The following OSBPL3 variants were observed in gnomAD, a reference collection of about 807,000 sequenced individuals.
OSBPL3 encodes oxysterol binding protein like 3.
In OSBPL3, 65 loss-of-function variants were observed where a neutral mutation model predicts 120.1. That is an observed-to-expected ratio of 0.54 (90% confidence interval 0.44 to 0.67). The LOEUF (loss-of-function observed/expected upper bound fraction) is 0.67, where lower values mean the gene tolerates loss of function less well. Ranked by LOEUF, OSBPL3 falls within the 30% of genes least tolerant of loss-of-function variation. The pLI, the probability that OSBPL3 is intolerant of heterozygous loss-of-function variation, is 0.00. For missense variants in OSBPL3, 1,004 were observed against 1,082.1 expected (o/e 0.93, Z 1.01); for synonymous variants, 416 against 402.6 (o/e 1.03, Z -0.40).
At chr7:24,970,822 C>A (rs1391435362) in intron 1 of OSBPL3, among the ~76,000 whole-genome samples, 3 of 152,290 alleles carry the variant, frequency 2.0e-5, no homozygotes, top group South Asian at 2.1e-4. Flanking sequence ...CTGGACTCCA[C>A]CCCCAGAGTT....
intron 1 of OSBPL3, chr7:24,906,587 A>G (rs764477924): frequency 6.4e-6 from 1 of 156,046 alleles, no homozygotes. Context: ...ACAATCACAC[A>G]TGGACATGTT....
intron 2 of OSBPL3, among the ~76,000 whole-genome samples, chr7:24,880,703 T>C (rs1274459680): frequency 6.6e-6 from 1 of 152,094 alleles, no homozygotes; most frequent in African/African-American, 2.4e-5. Flanking sequence ...GTGATTTGTT[T>C]GGGGCTGCGA....
Position 24,820,099 on chromosome 7 carries a change from G to T in OSBPL3, c.1948+76C>A. Reference sequence around the variant, plus strand: ...ACCACTTTTGATCTCAGTAAGAATTGACAGCAATTCTTGGATAAAATAAAT... The same window carrying T: ...ACCACTTTTGATCTCAGTAAGAATTTACAGCAATTCTTGGATAAAATAAAT... On this transcript the variant is annotated intron_variant, in intron 17 of 22. Coordinates refer to ENST00000313367, the MANE Select transcript of OSBPL3 (RefSeq NM_015550.4). This position sits in a 1 kb window ranked among gnomAD's most constrained non-coding sequence, Gnocchi z 4.6. 9.1e-7 allele frequency: 1 copy of T among 1,094,216 alleles called. No individual in the cohort carries two copies. The highest frequency in any genetic ancestry group is 1.4e-6 in the Non-Finnish European group (1 of 732,904). 67.8% of individuals were successfully genotyped at this position (1,094,216 alleles called of 1,614,324 possible).
chr7:24,875,992 T>C (rs923632282), intron 2 of OSBPL3, among the ~76,000 whole-genome samples: 2 of 152,194 alleles, frequency 1.3e-5, no homozygotes, highest in Non-Finnish European at 2.9e-5. Context: ...GTAAAGGCTT[T>C]AATATTTTCT....
At chr7:24,931,928 G>C (rs1321570720) in intron 1 of OSBPL3, among the ~76,000 whole-genome samples, 1 of 152,188 alleles carries the variant, frequency 6.6e-6, no homozygotes, top group African/African-American at 2.4e-5. Flanking sequence ...AAAACATTAG[G>C]AGTTAGAAAA....
chr7:24,970,667 G>C (rs985547910), intron 1 of OSBPL3, among the ~76,000 whole-genome samples: 1 of 152,168 alleles, frequency 6.6e-6, no homozygotes, highest in Non-Finnish European at 1.5e-5. Flanking sequence ...CTTTGAGGTC[G>C]GGGCTGTGGC....
Position 24,915,913 on chromosome 7 carries a change from C to T in OSBPL3, c.-149-23292G>A, listed in dbSNP as rs963312800. Among the ~76,000 whole-genome samples the T allele has an allele frequency of 3.3e-5, 5 of 152,066 alleles. No individual in the cohort carries two copies. In the East Asian group the frequency reaches 9.6e-4, roughly 29 times the overall value. Reference sequence around the variant, plus strand: ...AGAATGAAAAGCCATAGTAAAAAGACCAATGGTTAACAGTACATTGATTAG... The same window carrying T: ...AGAATGAAAAGCCATAGTAAAAAGATCAATGGTTAACAGTACATTGATTAG... On this transcript the variant is annotated intron_variant, in intron 1 of 22. Coordinates refer to ENST00000313367, the MANE Select transcript of OSBPL3 (RefSeq NM_015550.4).
chr7:24,899,340 C>T lies in OSBPL3; in HGVS notation c.-149-6719G>A, dbSNP rs1407224316. On this transcript the variant is annotated intron_variant, in intron 1 of 22. Coordinates refer to ENST00000313367, the MANE Select transcript of OSBPL3 (RefSeq NM_015550.4). The surrounding 1 kb of genome is among the most constrained non-coding windows in gnomAD (Gnocchi z 4.0). ...CTTAGCTTTGGGGGAACTTGCATCT[C>T]TTTCCAGTTCTCAGTGTTCTTACTG... Among the ~76,000 whole-genome samples the T allele has an allele frequency of 6.6e-6, 1 of 152,206 alleles. No individual in the cohort carries two copies. The highest frequency in any genetic ancestry group is 1.5e-5 in the Non-Finnish European group (1 of 68,036).
chr7:24,977,763 G>A (rs1817750500), intron 1 of OSBPL3, among the ~76,000 whole-genome samples: 1 of 152,230 alleles, frequency 6.6e-6, no homozygotes, highest in African/African-American at 2.4e-5. Flanking sequence ...GGCTGAGGCA[G>A]GAGAATGGCA....
At chr7:24,848,529 T>A (rs2128220961) in intron 12 of OSBPL3, among the ~76,000 whole-genome samples, 1 of 152,358 alleles carries the variant, frequency 6.6e-6, no homozygotes. Context: ...GAAAGACTTT[T>A]TTTTAACATA....
intron 2 of OSBPL3, among the ~76,000 whole-genome samples, chr7:24,888,651 G>C (rs533758978): frequency 1.3e-5 from 2 of 152,274 alleles, no homozygotes; most frequent in African/African-American, 4.8e-5. Context: ...AAAACACCTA[G>C]GTCTCAATCA....
At chr7:24,801,202 G>A (rs1419300161) in intron 22 of OSBPL3, among the ~76,000 whole-genome samples, 2 of 131,318 alleles carry the variant, frequency 1.5e-5, no homozygotes, top group African/African-American at 6.2e-5. Flanking sequence ...TAGGATCACG[G>A]CACTGCACTC....
chr7:24,852,554 A>C lies in OSBPL3; in HGVS notation c.1108T>G (p.Ser370Ala). 6.2e-7 allele frequency: 1 copy of C among 1,608,192 alleles called. No individual in the cohort carries two copies. Among genetic ancestry groups the C allele is most frequent in the African/African-American group, 1.3e-5 (1 of 74,662 alleles). The change falls in exon 11 of 23, where the codon TCC becomes GCC. Residue 370 changes from serine (S) to alanine (A), a missense_variant. By Grantham distance (99) the Ser-to-Ala change is moderately conservative. Around this residue, in one of 4 missense-constraint regions of OSBPL3, gnomAD observed 272 missense variants for 248.8 expected, o/e 1.09. Coordinates refer to ENST00000313367, the MANE Select transcript of OSBPL3 (RefSeq NM_015550.4). This position sits in a 1 kb window ranked among gnomAD's most constrained non-coding sequence, Gnocchi z 4.1. ...KLKQLMEQDASSSPSAQVIGL... is the reference protein window; with the variant it reads ...KLKQLMEQDAASSPSAQVIGL... ...ATGACCTGAGCAGACGGGGAGGAGG[A>C]GGCATCCTGCTCCATCAGCTGCTTC...
chr7:24,970,169 A>T (rs1816849799), intron 1 of OSBPL3, among the ~76,000 whole-genome samples: 1 of 126,812 alleles, frequency 7.9e-6, no homozygotes, highest in Non-Finnish European at 1.5e-5. Context: ...GTGCAGTGGC[A>T]CCATCTTGGC....
intron 1 of OSBPL3, among the ~76,000 whole-genome samples, chr7:24,934,821 T>C (rs1812203725): frequency 6.6e-6 from 1 of 152,206 alleles, no homozygotes; most frequent in Non-Finnish European, 1.5e-5. Flanking sequence ...CTTGGACTTT[T>C]GGCAACAGGC....
intron 1 of OSBPL3, among the ~76,000 whole-genome samples, chr7:24,943,232 A>G (rs768404423): frequency 1.3e-5 from 2 of 152,200 alleles, no homozygotes; most frequent in African/African-American, 4.8e-5. Flanking sequence ...TGCCATGCCC[A>G]GTACACTGGC....
rs17150455 is a variant in OSBPL3 at position 24,890,550 on chromosome 7, G to A, written c.96+1827C>T. On this transcript the variant is annotated intron_variant, in intron 2 of 22. Coordinates refer to ENST00000313367, the MANE Select transcript of OSBPL3 (RefSeq NM_015550.4). ...ACCCTGGGACAGAACACCTTTCTTCGACAGAAGGATGAGAAAGCAGACGGA... is the reference window on the plus strand; with the variant it reads ...ACCCTGGGACAGAACACCTTTCTTCAACAGAAGGATGAGAAAGCAGACGGA... 8.9e-3 allele frequency among the ~76,000 whole-genome samples: 1,354 copies of A among 152,252 alleles called. 28 individuals are homozygous for A. Among genetic ancestry groups the A allele is most frequent in the African/African-American group, 0.031 (1,295 of 41,536 alleles).
In OSBPL3 at chr7:24,913,912, GC is replaced by G. The variant is rs1232276308; in HGVS notation, c.-149-21292del. Reference sequence around the variant, plus strand: ...AGTAAAGTAAAAGTTCTACATATATGCATTGAAACTTTCCTAAGGAGCAGAT... The same window carrying G: ...AGTAAAGTAAAAGTTCTACATATATGATTGAAACTTTCCTAAGGAGCAGAT... On this transcript the variant is annotated intron_variant, in intron 1 of 22. Coordinates refer to ENST00000313367, the MANE Select transcript of OSBPL3 (RefSeq NM_015550.4). The surrounding 1 kb of genome is among the most constrained non-coding windows in gnomAD (Gnocchi z 5.3). Among the ~76,000 whole-genome samples the G allele has an allele frequency of 6.6e-6, 1 of 152,158 alleles. No individual in the cohort carries two copies. Among genetic ancestry groups the G allele is most frequent in the Non-Finnish European group, 1.5e-5 (1 of 68,038 alleles).
intron 1 of OSBPL3, among the ~76,000 whole-genome samples, chr7:24,949,502 T>C (rs530246291): frequency 1.3e-5 from 2 of 152,328 alleles, no homozygotes; most frequent in South Asian, 4.1e-4. Context: ...AATCAATCCA[T>C]TTTGGATGTT....
Sources: gnomAD v4.1 joint callset for allele counts (sites outside exome capture counted in the v4.1 genomes callset) on GRCh38, gnomAD v4.1.1 for gene constraint, gnomAD v4.1.1 regional missense constraint, Gnocchi (gnomAD v3.1) non-coding constraint, MANE v1.5 for transcripts, NCBI Gene and HGNC (gene_info 2026-07-23, HGNC 2026-07-21) for gene names.